PGBD5: variants seen among roughly 807,000 people sequenced by gnomAD.
The protein encoded by PGBD5 is piggyBac transposable element derived 5, also known as piggyBac transposable element-derived protein 5.
PGBD5 carries 14 observed loss-of-function variants against 47.9 expected under a neutral mutation model. That is an observed-to-expected ratio of 0.29 (90% CI 0.19 to 0.46). The LOEUF (loss-of-function observed/expected upper bound fraction) is 0.46. Ranked by LOEUF, PGBD5 falls within the 20% of genes least tolerant of loss-of-function variation. PGBD5 has a pLI of 1.00. For missense variants in PGBD5, 635 were observed against 716.0 expected, an observed-to-expected ratio of 0.89 and a Z score of 1.29; for synonymous variants, 316 against 306.3, an observed-to-expected ratio of 1.03 and a Z score of -0.33.
chr1:230,404,393 T>C lies in PGBD5; in HGVS notation c.331+21205A>G, dbSNP rs955011110. ...TACTCGGGGGACTGAGGTGGAAAGA[T>C]TGCTTGAGCCTAGGAGTTTGGGACC... On this transcript the variant is annotated intron_variant, in intron 1 of 6. Transcript: ENST00000391860. Among the ~76,000 whole-genome samples, 18 of 151,836 alleles carry C rather than the reference T, an allele frequency of 1.2e-4. 1 individual carries two copies. Among genetic ancestry groups the C allele is most frequent in the Non-Finnish European group, 1.9e-4 (13 of 67,968 alleles).
At position 230,357,975 on chromosome 1, in the gene PGBD5, C is replaced by CACAT. The variant is rs545758834; in HGVS notation, c.332-658_332-655dup. Among the ~76,000 whole-genome samples the CACAT allele has an allele frequency of 0.015, 2,211 of 152,000 alleles. 32 individuals are homozygous for CACAT. The highest frequency in any genetic ancestry group is 0.034 in the African/African-American group (1,395 of 41,458). Reference sequence around the variant, plus strand: ...ATGCATATATACACATACATACACACACATACATACATACATACACAGGCA... The same window carrying CACAT: ...ATGCATATATACACATACATACACACACATACATACATACATACATACACAGGCA... On this transcript the variant is annotated intron_variant, in intron 1 of 6. Transcript: ENST00000391860. This position sits in a 1 kb window ranked among gnomAD's most constrained non-coding sequence, Gnocchi z 5.7.
chr1:230,380,549 G>A (rs755648634), intron 1 of PGBD5, among the ~76,000 whole-genome samples: 1 of 152,216 alleles, frequency 6.6e-6, no homozygotes. Flanking sequence ...GTGGACATAA[G>A]CAACAGCCCC....
chr1:230,365,899 T>C (rs1259315914), intron 1 of PGBD5, among the ~76,000 whole-genome samples: 1 of 152,164 alleles, frequency 6.6e-6, no homozygotes, highest in Non-Finnish European at 1.5e-5. Flanking sequence ...GAACAAAGGA[T>C]TTTTACCCCT....
In PGBD5 at chr1:230,323,649, A is replaced by C; in HGVS notation, c.1380-29T>G. ...AGGACAGAGGGAATAAGAACGGCTG[A>C]CCCGATGGTTCATGGCACCCGGAGA... On this transcript the variant is annotated intron_variant, in intron 6 of 6. Coordinates refer to ENST00000391860, the MANE Select transcript of PGBD5 (RefSeq NM_001258311.2). This position sits in a 1 kb window ranked among gnomAD's most constrained non-coding sequence, Gnocchi z 4.1. 1.9e-6 allele frequency: 3 copies of C among 1,594,428 alleles called. No homozygotes were observed. Among genetic ancestry groups the C allele is most frequent in the Non-Finnish European group, 2.6e-6 (3 of 1,168,554 alleles).
At position 230,323,352 on chromosome 1, in the gene PGBD5, G is replaced by C. The variant is rs1667066215; in HGVS notation, c.*73C>G. 1 of 1,539,944 alleles carries C rather than the reference G, an allele frequency of 6.5e-7. No homozygotes were observed. Among genetic ancestry groups the C allele is most frequent in the Non-Finnish European group, 8.8e-7 (1 of 1,142,292 alleles). On this transcript the variant is annotated 3_prime_UTR_variant, in exon 7 of 7. Transcript: ENST00000391860. This position sits in a 1 kb window ranked among gnomAD's most constrained non-coding sequence, Gnocchi z 4.1. ...CACACCAGGCCGTGTCCGGGTCTCT[G>C]ATGGGCAAGTTGGAACGGCAGGCTC...
At chr1:230,389,509 G>A (rs1433772569) in intron 1 of PGBD5, among the ~76,000 whole-genome samples, 2 of 152,148 alleles carry the variant, frequency 1.3e-5, no homozygotes, top group Non-Finnish European at 1.5e-5. Flanking sequence ...GCATGTATAC[G>A]TTAAACTTTC....
intron 1 of PGBD5, among the ~76,000 whole-genome samples, chr1:230,401,348 C>T (rs1182224156): frequency 6.6e-6 from 1 of 152,200 alleles, no homozygotes; most frequent in African/African-American, 2.4e-5. Context: ...CGGCCTCCAA[C>T]AGGCAGTACG....
chr1:230,421,533 G>A (rs958055639), intron 1 of PGBD5, among the ~76,000 whole-genome samples: 1 of 152,200 alleles, frequency 6.6e-6, no homozygotes, highest in Non-Finnish European at 1.5e-5. Flanking sequence ...CGGCCACAGA[G>A]TCCTTGTGAA....
chr1:230,367,199 G>A (rs1054919586), intron 1 of PGBD5, among the ~76,000 whole-genome samples: 7 of 151,934 alleles, frequency 4.6e-5, no homozygotes, highest in African/African-American at 9.7e-5. Flanking sequence ...CCTTCTACTC[G>A]GGCCGCTGTT....
intron 1 of PGBD5, among the ~76,000 whole-genome samples, chr1:230,419,758 A>T (rs1220826274): frequency 1.3e-5 from 2 of 152,204 alleles, no homozygotes; most frequent in African/African-American, 4.8e-5. Flanking sequence ...AAACCCTTTA[A>T]AATACGCAAA....
chr1:230,391,329 C>G (rs1656781523), intron 1 of PGBD5, among the ~76,000 whole-genome samples: 1 of 152,176 alleles, frequency 6.6e-6, no homozygotes, highest in Non-Finnish European at 1.5e-5. Flanking sequence ...CATGGGATTA[C>G]AGTTTAGCAA....
intron 1 of PGBD5, among the ~76,000 whole-genome samples, chr1:230,398,907 G>A (rs768699407): frequency 9.2e-5 from 14 of 152,130 alleles, no homozygotes; most frequent in African/African-American, 1.9e-4. Flanking sequence ...AAACAGAAGC[G>A]GAAGGGCTGG....
rs951194324 is a variant in PGBD5 at position 230,319,158 on chromosome 1, G to A, written c.*4267C>T. On this transcript the variant is annotated 3_prime_UTR_variant, in exon 7 of 7. Coordinates refer to ENST00000391860, the MANE Select transcript of PGBD5 (RefSeq NM_001258311.2). ...CAAACCCGGGTCTGCTTACCTGGGCGAACCATTGCACCACTCCATCTGGGC... is the reference window on the plus strand; with the variant it reads ...CAAACCCGGGTCTGCTTACCTGGGCAAACCATTGCACCACTCCATCTGGGC... The A allele has an allele frequency of 4.6e-5, 7 of 152,238 alleles. No homozygotes were observed. The highest frequency in any genetic ancestry group is 1.7e-4 in the African/African-American group (7 of 41,450). The allele number at this position is 152,238 out of a possible 1,614,324, so 9.4% of individuals were successfully genotyped here.
At chr1:230,403,617 T>G (rs1339426278) in intron 1 of PGBD5, among the ~76,000 whole-genome samples, 1 of 152,230 alleles carries the variant, frequency 6.6e-6, no homozygotes, top group Non-Finnish European at 1.5e-5. Context: ...GTGCTCCGCC[T>G]GGATTCCCAG....
At chr1:230,367,951 A>G (rs752796980) in intron 1 of PGBD5, 1 of 1,365,760 alleles carries the variant, frequency 7.3e-7, no homozygotes, top group Admixed American at 1.9e-5. Flanking sequence ...AAGCTGGCAC[A>G]CCAAGGAGCT....
intron 3 of PGBD5, among the ~76,000 whole-genome samples, chr1:230,342,166 T>C (rs1286593018): frequency 1.3e-5 from 2 of 152,142 alleles, no homozygotes; most frequent in Non-Finnish European, 2.9e-5. Flanking sequence ...ACAGTAAGGC[T>C]AGTGGCAGTA....
At chr1:230,401,867 C>T (rs1404315265) in intron 1 of PGBD5, among the ~76,000 whole-genome samples, 2 of 152,200 alleles carry the variant, frequency 1.3e-5, no homozygotes, top group East Asian at 1.9e-4. Context: ...CAAGAGCAAA[C>T]GGGGCTGACA....
At chr1:230,399,781 C>G (rs993450420) in intron 1 of PGBD5, among the ~76,000 whole-genome samples, 1 of 152,234 alleles carries the variant, frequency 6.6e-6, no homozygotes, top group Admixed American at 6.5e-5. Context: ...CTCCTGCCCA[C>G]GTTGCCGCAG....
At chr1:230,370,899 G>A (rs918148596) in intron 1 of PGBD5, among the ~76,000 whole-genome samples, 17 of 152,174 alleles carry the variant, frequency 1.1e-4, no homozygotes, top group Non-Finnish European at 1.9e-4. Flanking sequence ...TAGATAGAAT[G>A]AAAGCCCTCA....
Sources: gnomAD v4.1 joint callset for allele counts (sites outside exome capture counted in the v4.1 genomes callset) on GRCh38, gnomAD v4.1.1 for gene constraint, Gnocchi (gnomAD v3.1) non-coding constraint, MANE v1.5 for transcripts, NCBI Gene and HGNC (gene_info 2026-07-23, HGNC 2026-07-21) for gene names.